The following NSMAF variants were observed in gnomAD, a reference collection of about 807,000 sequenced individuals.
NSMAF encodes the protein neutral sphingomyelinase activation associated factor, also known as protein FAN.
NSMAF carries 90 observed loss-of-function variants against 134.9 expected under a neutral mutation model. The ratio of observed to expected loss-of-function variants is 0.67; its 90% CI spans 0.56 to 0.79. The LOEUF (loss-of-function observed/expected upper bound fraction) is 0.79, where lower values mean the gene tolerates loss of function less well. Among genes scored for constraint, NSMAF ranks in the 30% least tolerant of loss-of-function variants. The probability of loss-of-function intolerance (pLI) is 0.00; values close to 1 mark genes in which losing one functional copy is unlikely to be tolerated. For synonymous variants in NSMAF, 358 were observed against 389.6 expected (o/e 0.92, Z 0.96); for missense variants, 1,010 against 1,119.0 (o/e 0.90, Z 1.39).
chr8:58,605,348 A>T (rs931665078), intron 12 of NSMAF, among the ~76,000 whole-genome samples: 2 of 152,196 alleles, frequency 1.3e-5, no homozygotes, highest in Non-Finnish European at 2.9e-5. Context: ...CATATGAATA[A>T]CTCACTGCCT....
intron 11 of NSMAF, among the ~76,000 whole-genome samples, chr8:58,607,547 CCAAA>C (rs1806435547): frequency 2.0e-5 from 3 of 152,194 alleles, no homozygotes; most frequent in Non-Finnish European, 4.4e-5. Context: ...GCTCTTGGAG[CCAAA>C]AATACTTCAT....
chr8:58,612,381 C>T (rs1806549194), intron 9 of NSMAF, among the ~76,000 whole-genome samples: 1 of 152,198 alleles, frequency 6.6e-6, no homozygotes, highest in African/African-American at 2.4e-5. Context: ...ACCCTCACTC[C>T]ACAGGGACAG....
At chr8:58,659,541 C>G in intron 1 of NSMAF, 32 bp downstream of exon 1, 3 of 1,523,628 alleles carry the variant, frequency 2.0e-6, no homozygotes, top group Non-Finnish European at 2.6e-6. Flanking sequence ...GACTAGGCCC[C>G]CGGCTGGGCC....
At position 58,587,659 on chromosome 8, in the gene NSMAF, G is replaced by C. The variant is rs751354689; in HGVS notation, c.2254C>G (p.His752Asp). ...VPAEMPGTKR[H>D]HFDLLAELEH... Reference sequence around the variant, plus strand: ...AGCTCGGCCAGCAAGTCAAAGTGGTGTCTTTTGGTGCCTGGCATCTCTGCA... The same window carrying C: ...AGCTCGGCCAGCAAGTCAAAGTGGTCTCTTTTGGTGCCTGGCATCTCTGCA... The change falls in exon 27 of 31, where the codon CAC becomes GAC. Residue 752 changes from histidine to aspartate, a missense_variant. Transcript: ENST00000038176. The C allele has an allele frequency of 1.2e-6, 2 of 1,614,054 alleles. No individual in the cohort carries two copies. The highest frequency in any genetic ancestry group is 2.7e-5 in the African/African-American group (2 of 74,922).
At chr8:58,594,431 A>C (rs957564474) in intron 22 of NSMAF, 141 bp from the exon 23 acceptor site, 122 of 695,662 alleles carry the variant, frequency 1.8e-4, no homozygotes, top group Non-Finnish European at 2.5e-6. Context: ...CCCAGCATAA[A>C]CCTGCCATTA....
intron 9 of NSMAF, among the ~76,000 whole-genome samples, chr8:58,614,449 T>C (rs1393886935): frequency 2.0e-5 from 3 of 152,240 alleles, no homozygotes; most frequent in South Asian, 2.1e-4. Context: ...TACGGCCACC[T>C]GGGTGCCATA....
At position 58,584,344 on chromosome 8, in the gene NSMAF, A is replaced by T. The variant is rs567065635; in HGVS notation, c.2660-144T>A. 2.7e-4 allele frequency: 168 copies of T among 629,492 alleles called. No individual in the cohort carries two copies. In the East Asian group the frequency reaches 3.0e-3, roughly 11 times the overall value. 39.0% of individuals were successfully genotyped at this position (629,492 alleles called of 1,614,324 possible). A position where few individuals can be genotyped will look rare whatever the true frequency, so the allele number is the denominator to read the frequency against. On this transcript the variant is annotated intron_variant, in intron 30 of 30. Coordinates refer to ENST00000038176, the MANE Select transcript of NSMAF (RefSeq NM_003580.4). Reference sequence around the variant, plus strand: ...TATTTTTTCTTGTCTGCTTCCTATAATAAAACCCTTGAATAAATTAAAAAT... The same window carrying T: ...TATTTTTTCTTGTCTGCTTCCTATATTAAAACCCTTGAATAAATTAAAAAT...
At chr8:58,615,342 C>T (rs750054499) in intron 9 of NSMAF, among the ~76,000 whole-genome samples, 26 of 152,106 alleles carry the variant, frequency 1.7e-4, no homozygotes, top group African/African-American at 3.1e-4. Context: ...TGGACCCATA[C>T]GGCACTTATG....
rs1563525956 is a variant in NSMAF at position 58,597,408 on chromosome 8, C to T, written c.1771G>A (p.Ala591Thr). ...KSLSQTSSYN[A>T]SMADSPGEES... ...TTACCTGGGGAATCTGCCATAGAAG[C>T]ATTATAACTGGAGGTCTGGGACAAA... is the stretch of plus-strand genomic sequence containing the variant. Residue 591 changes from alanine to threonine, a missense_variant, in exon 21 of 31, where the codon GCT (alanine) becomes ACT (threonine). Ala to Thr is a moderately conservative substitution (Grantham distance 58). Coordinates refer to ENST00000038176, the MANE Select transcript of NSMAF (RefSeq NM_003580.4). The T allele has an allele frequency of 3.7e-6, 6 of 1,614,120 alleles. No individual in the cohort carries two copies. The highest frequency in any genetic ancestry group is 2.2e-5 in the East Asian group (1 of 44,878).
chr8:58,587,783 T>C lies in NSMAF; in HGVS notation c.2212-82A>G, dbSNP rs976305752. The C allele has an allele frequency of 1.6e-5, 19 of 1,171,230 alleles. 1 individual carries two copies. In the Admixed American group the frequency reaches 2.4e-4, roughly 15 times the overall value. 72.6% of individuals were successfully genotyped at this position (1,171,230 alleles called of 1,614,324 possible). A position where few individuals can be genotyped will look rare whatever the true frequency, so the allele number is the denominator to read the frequency against. ...CTAGTGCATTCAAGAAAAACTCCTA[T>C]GCTCAATTTCCATTTAACAGACTTG... On this transcript the variant is annotated intron_variant, in intron 26 of 30. Transcript: ENST00000038176.
chr8:58,644,859 G>C, intron 1 of NSMAF, among the ~76,000 whole-genome samples: 1 of 152,126 alleles, frequency 6.6e-6, no homozygotes, highest in East Asian at 1.9e-4. Context: ...GCAAACACAA[G>C]AACAGAAAAC....
intron 1 of NSMAF, among the ~76,000 whole-genome samples, chr8:58,645,942 G>A (rs1331207602): frequency 6.6e-6 from 1 of 152,182 alleles, no homozygotes; most frequent in Non-Finnish European, 1.5e-5. Context: ...TCGGGAGGCT[G>A]AGGCAGGAGA....
chr8:58,597,527 A>G lies in NSMAF; in HGVS notation c.1652T>C (p.Val551Ala). 6.2e-7 allele frequency: 1 copy of G among 1,614,212 alleles called. No individual in the cohort carries two copies. Among genetic ancestry groups the G allele is most frequent in the Non-Finnish European group, 8.5e-7 (1 of 1,180,016 alleles). Reference sequence around the variant, plus strand: ...TTCCAAGATTTGCGTAAGCATGGCTACCTTCTCATCAGGATCCTGGATGCT... The same window carrying G: ...TTCCAAGATTTGCGTAAGCATGGCTGCCTTCTCATCAGGATCCTGGATGCT... Reference protein sequence around the residue: ...LNSIQDPDEKVAMLTQILEFG... With the variant: ...LNSIQDPDEKAAMLTQILEFG... The change falls in exon 21 of 31, where the codon GTA (valine) becomes GCA (alanine). Residue 551 changes from valine to alanine, a missense_variant. Transcript: ENST00000038176.
intron 1 of NSMAF, among the ~76,000 whole-genome samples, chr8:58,649,728 C>CT (rs923645121): frequency 1.3e-5 from 2 of 152,150 alleles, no homozygotes; most frequent in Non-Finnish European, 2.9e-5. Flanking sequence ...CTCTTGCTCC[C>CT]TCTCTTGCCA....
At position 58,589,512 on chromosome 8, in the gene NSMAF, A is replaced by C. The variant is rs763898822; in HGVS notation, c.2151T>G (p.Val717=). 2 of 1,569,360 alleles carry C rather than the reference A, an allele frequency of 1.3e-6. No homozygotes were observed. ...TGTTGTCATGCCAACAGATCTTACT[A>C]ACAGCATCATCATGTCCCATTAACG... ...QDTLMGHDDA[V]SKICWHDNRL... The change falls in exon 26 of 31, where the codon GTT becomes GTG. Residue 717 remains valine, a synonymous_variant. Coordinates refer to ENST00000038176, the MANE Select transcript of NSMAF (RefSeq NM_003580.4).
chr8:58,635,158 G>A, intron 5 of NSMAF, 31 bp downstream of exon 5: 1 of 1,552,620 alleles, frequency 6.4e-7, no homozygotes, highest in South Asian at 1.1e-5. Context: ...TGTTCATTCA[G>A]ATTAGGAAAA....
chr8:58,585,257 G>A (rs1805855558), intron 30 of NSMAF, among the ~76,000 whole-genome samples: 1 of 151,480 alleles, frequency 6.6e-6, no homozygotes, highest in African/African-American at 2.4e-5. Flanking sequence ...CTGGGAGGTA[G>A]GAGTCAGCGG....
chr8:58,594,816 A>G, intron 22 of NSMAF: 1 of 155,924 alleles, frequency 6.4e-6, no homozygotes, highest in Non-Finnish European at 1.4e-5. Flanking sequence ...GAATCAGCCA[A>G]AACTCCTTGT....
At chr8:58,613,537 A>C (rs1046785265) in intron 9 of NSMAF, among the ~76,000 whole-genome samples, 1 of 152,244 alleles carries the variant, frequency 6.6e-6, no homozygotes, top group African/African-American at 2.4e-5. Context: ...ACCGAAAAGA[A>C]GGGAGAAAAG....
Sources: gnomAD v4.1 joint callset for allele counts (sites outside exome capture counted in the v4.1 genomes callset) on GRCh38, gnomAD v4.1.1 for gene constraint, MANE v1.5 for transcripts, NCBI Gene and HGNC (gene_info 2026-07-23, HGNC 2026-07-21) for gene names.